Variants in JAK2 observed in about 807,000 individuals in gnomAD.
JAK2 encodes the protein Janus kinase 2.
Under a neutral mutation model 139.3 loss-of-function variants are expected in JAK2, and 86 were observed. The ratio of observed to expected loss-of-function variants is 0.62; its 90% CI spans 0.52 to 0.74. JAK2 has a LOEUF of 0.74. JAK2 is among the 30% of genes least tolerant of loss of function. The pLI is 0.00. For missense variants in JAK2, 1,421 were observed against 1,360.3 expected (o/e 1.04, Z -0.70); for synonymous variants, 490 against 437.7 (o/e 1.12, Z -1.49).
At chr9:5,076,365 T>G (rs746156063) in intron 14 of JAK2, among the ~76,000 whole-genome samples, 3 of 152,176 alleles carry the variant, frequency 2.0e-5, no homozygotes, top group Non-Finnish European at 4.4e-5. Context: ...CATTGTTGTC[T>G]TATTTTAAGA....
At chr9:4,998,237 G>GA (rs1453491265) in intron 2 of JAK2, among the ~76,000 whole-genome samples, 7 of 151,582 alleles carry the variant, frequency 4.6e-5, no homozygotes, top group Non-Finnish European at 8.8e-5. Context: ...GATCTTAAGG[G>GA]AAAAAAAACT....
intron 8 of JAK2, among the ~76,000 whole-genome samples, chr9:5,063,096 CTT>C (rs1563967907): frequency 1.3e-5 from 2 of 151,922 alleles, no homozygotes; most frequent in African/African-American, 4.8e-5. Context: ...ATGCTTGTCT[CTT>C]TATTATAATT....
chr9:5,033,305 G>A (rs375113451), intron 4 of JAK2, among the ~76,000 whole-genome samples: 1 of 152,200 alleles, frequency 6.6e-6, no homozygotes. Flanking sequence ...AACCAAGTTG[G>A]AAAACACTCT....
At chr9:4,999,472 C>G (rs1015093809) in intron 2 of JAK2, among the ~76,000 whole-genome samples, 2 of 152,148 alleles carry the variant, frequency 1.3e-5, no homozygotes, top group African/African-American at 4.8e-5. Flanking sequence ...ATTACAAATG[C>G]TTATTGTGAT....
intron 2 of JAK2, among the ~76,000 whole-genome samples, chr9:4,988,778 A>G (rs1820099118): frequency 6.6e-6 from 1 of 152,084 alleles, no homozygotes; most frequent in Non-Finnish European, 1.5e-5. Context: ...TCATCTCCTT[A>G]AACTCCGAAT....
chr9:5,115,585 C>T (rs1823079132), intron 22 of JAK2, among the ~76,000 whole-genome samples: 1 of 152,200 alleles, frequency 6.6e-6, no homozygotes, highest in Non-Finnish European at 1.5e-5. Context: ...GATTATAAAT[C>T]ATTCTACTAT....
At chr9:5,114,437 G>T (rs371793523) in intron 22 of JAK2, 6 of 486,622 alleles carry the variant, frequency 1.2e-5, no homozygotes, top group African/African-American at 7.8e-5. Flanking sequence ...ACCAGTGCAG[G>T]GTGACCCACA....
At chr9:5,067,794 C>T (rs1039952648) in intron 10 of JAK2, among the ~76,000 whole-genome samples, 16 of 152,026 alleles carry the variant, frequency 1.1e-4, no homozygotes, top group African/African-American at 3.9e-4. Context: ...ACAAAAAATT[C>T]TAAATCGAAC....
chr9:5,085,799 C>T (rs1364195840), intron 19 of JAK2: 7 of 756,548 alleles, frequency 9.3e-6, no homozygotes, highest in Non-Finnish European at 1.7e-5. Context: ...ATGCTCGGGC[C>T]ATTAGTACCA....
intron 9 of JAK2, among the ~76,000 whole-genome samples, chr9:5,066,116 A>T (rs990995259): frequency 3.9e-5 from 6 of 152,140 alleles, no homozygotes; most frequent in Admixed American, 2.0e-4. Context: ...AGTGAAACAG[A>T]ATGATTCTTT....
At chr9:5,085,412 T>A in intron 19 of JAK2, 1 of 775,188 alleles carries the variant, frequency 1.3e-6, no homozygotes, top group Non-Finnish European at 2.4e-6. Flanking sequence ...GAGACTGCTT[T>A]ACAACTGTTG....
chr9:5,089,308 T>A (rs1820376053), intron 19 of JAK2, among the ~76,000 whole-genome samples: 1 of 151,686 alleles, frequency 6.6e-6, no homozygotes, highest in South Asian at 2.1e-4. Context: ...GGAGGCCGAG[T>A]TGGGTGGATC....
intron 18 of JAK2, among the ~76,000 whole-genome samples, chr9:5,081,259 A>ATT (rs111832472): frequency 0.01 from 1,501 of 149,900 alleles, 17 homozygotes; most frequent in African/African-American, 0.027. Context: ...AAATTATAGT[A>ATT]TTTTTTTTTT....
At chr9:5,044,626 C>T (rs1457469255) in intron 5 of JAK2, 106 bp downstream of exon 5, 3 of 637,986 alleles carry the variant, frequency 4.7e-6, no homozygotes. Flanking sequence ...AATTGCAGTT[C>T]TGTCTTGCAC....
At chr9:5,094,069 A>T (rs1364551656) in intron 22 of JAK2, 1 of 152,184 alleles carries the variant, frequency 6.6e-6, no homozygotes, top group Non-Finnish European at 1.5e-5. Flanking sequence ...AAAACTTTAC[A>T]ATCAAAGGTT....
At chr9:5,109,169 G>A (rs1822229555) in intron 22 of JAK2, 1 of 152,096 alleles carries the variant, frequency 6.6e-6, no homozygotes, top group African/African-American at 2.4e-5. Context: ...CACAATGAGG[G>A]ACACTTACAT....
At chr9:5,017,530 T>G (rs1174651968) in intron 2 of JAK2, among the ~76,000 whole-genome samples, 1 of 152,218 alleles carries the variant, frequency 6.6e-6, no homozygotes, top group Non-Finnish European at 1.5e-5. Flanking sequence ...TCTGTTAGCT[T>G]TGGGCTTTGT....
chr9:5,097,935 T>TC (rs1821135010), intron 22 of JAK2: 1 of 152,126 alleles, frequency 6.6e-6, no homozygotes, highest in South Asian at 2.1e-4. Context: ...TTAACCTTTT[T>TC]CCCACAGCAC....
In JAK2 at chr9:5,070,062, T is replaced by G; in HGVS notation, c.1641+10T>G. The G allele has an allele frequency of 6.3e-7, 1 of 1,585,862 alleles. No homozygotes were observed. The highest frequency in any genetic ancestry group is 8.6e-7 in the Non-Finnish European group (1 of 1,161,736). ...TGAAGATTTGATATTTGTAAGTCAT[T>G]AGATACTCATTACTGTCTTTTTTGT... On this transcript the variant is annotated intron_variant, in intron 12 of 24. Coordinates refer to ENST00000381652, the MANE Select transcript of JAK2 (RefSeq NM_004972.4).
Sources: allele counts gnomAD v4.1 joint callset (sites outside exome capture counted in the v4.1 genomes callset), GRCh38; gene constraint gnomAD v4.1.1; transcripts MANE v1.5; gene names NCBI Gene and HGNC (gene_info 2026-07-23, HGNC 2026-07-21).